Variants in MORC1 observed in about 807,000 individuals in gnomAD.
MORC1 encodes MORC family CW-type zinc finger protein 1.
Under a neutral mutation model 134.9 loss-of-function variants are expected in MORC1, and 59 were observed. That is an observed-to-expected ratio of 0.44 (90% confidence interval 0.35 to 0.54). MORC1 has a LOEUF of 0.54. MORC1 is among the 20% of genes least tolerant of loss of function. The pLI is 0.00. For synonymous variants in MORC1, 395 were observed against 391.7 expected, an observed-to-expected ratio of 1.01 and a Z score of -0.10; for missense variants, 947 against 1,134.5, an observed-to-expected ratio of 0.83 and a Z score of 2.37.
intron 21 of MORC1, among the ~76,000 whole-genome samples, chr3:109,000,142 T>A (rs113407290): frequency 2.2e-4 from 34 of 152,338 alleles, no homozygotes; most frequent in African/African-American, 4.3e-4. Context: ...CACTTTTCTC[T>A]GCCTAATTTA....
Position 108,981,444 on chromosome 3 carries a change from A to G in MORC1, c.2325-1777T>C, listed in dbSNP as rs564709517. Among the ~76,000 whole-genome samples the G allele has an allele frequency of 2.0e-5, 3 of 152,310 alleles. No individual in the cohort carries two copies. The East Asian group carries it at 5.8e-4, about 29-fold the overall frequency. ...TAATTGCCTGTTAAAGAATATTTACACAATGTCTGAATGCTCATTAGTTAT... is the reference window on the plus strand; with the variant it reads ...TAATTGCCTGTTAAAGAATATTTACGCAATGTCTGAATGCTCATTAGTTAT... On this transcript the variant is annotated intron_variant, in intron 23 of 27. Coordinates refer to ENST00000232603, the MANE Select transcript of MORC1 (RefSeq NM_014429.4).
chr3:108,982,284 C>T (rs542965160), intron 23 of MORC1, among the ~76,000 whole-genome samples: 11 of 152,246 alleles, frequency 7.2e-5, no homozygotes, highest in East Asian at 3.9e-4. Context: ...GAAACAGGAA[C>T]GCTTTTACAC....
chr3:109,011,314 C>T (rs1224556903), intron 17 of MORC1, among the ~76,000 whole-genome samples: 1 of 152,210 alleles, frequency 6.6e-6, no homozygotes, highest in Non-Finnish European at 1.5e-5. Flanking sequence ...CCTAGGTCAA[C>T]ATAGCGTAAT....
At chr3:108,999,337 A>C (rs1027578579) in intron 21 of MORC1, among the ~76,000 whole-genome samples, 4 of 152,172 alleles carry the variant, frequency 2.6e-5, no homozygotes, top group Admixed American at 6.5e-5. Context: ...TCTGGGAATA[A>C]TGGGGGCAGG....
At chr3:109,100,037 A>C (rs1484816206) in intron 5 of MORC1, among the ~76,000 whole-genome samples, 1 of 152,142 alleles carries the variant, frequency 6.6e-6, no homozygotes, top group Non-Finnish European at 1.5e-5. Flanking sequence ...TGAGGTCAGG[A>C]GTTCGAGACT....
rs1256197548 is a variant in MORC1, at chr3:109,003,375, CATATT to C, written c.2085+1437_2085+1441del. Reference sequence around the variant, plus strand: ...GTGTATATTGCTTCACATAGCTTTACATATTATATGTGTATGCACACACACACACA... The same window carrying C: ...GTGTATATTGCTTCACATAGCTTTACATATGTGTATGCACACACACACACA... On this transcript the variant is annotated intron_variant, in intron 20 of 27. Transcript: ENST00000232603. Among the ~76,000 whole-genome samples, 8 of 132,730 alleles carry C rather than the reference CATATT, an allele frequency of 6.0e-5. No homozygotes were observed. In the East Asian group the frequency reaches 1.4e-3, roughly 24 times the overall value. The allele number at this position is 132,730 out of a possible 152,430, so 87.1% of individuals were successfully genotyped here.
intron 26 of MORC1, 129 bp from the exon 27 acceptor site, chr3:108,963,737 T>G (rs1947144520): frequency 1.6e-6 from 1 of 615,080 alleles, no homozygotes; most frequent in Non-Finnish European, 2.7e-6. Context: ...TGGTCTAAAT[T>G]TAGGAAATAT....
intron 7 of MORC1, among the ~76,000 whole-genome samples, chr3:109,094,043 G>A (rs750468584): frequency 7.9e-5 from 12 of 152,066 alleles, no homozygotes; most frequent in Middle Eastern, 3.2e-3. Context: ...CAGGCCATAC[G>A]GTCTCTGTTG....
intron 1 of MORC1, among the ~76,000 whole-genome samples, chr3:109,115,362 G>C (rs867427197): frequency 9.3e-5 from 13 of 140,092 alleles, no homozygotes; most frequent in African/African-American, 2.2e-4. Flanking sequence ...CACACACAGA[G>C]AGAGAGAATA....
Position 109,063,172 on chromosome 3 carries a change from G to A in MORC1, c.875C>T (p.Ala292Val). 6.3e-7 allele frequency: 1 copy of A among 1,599,932 alleles called. No individual in the cohort carries two copies. Among genetic ancestry groups the A allele is most frequent in the Non-Finnish European group, 8.6e-7 (1 of 1,168,844 alleles). The change falls in exon 10 of 28, where the codon GCA (alanine) becomes GTA (valine). Residue 292 changes from alanine (A) to valine (V), a missense_variant. By Grantham distance (64) the Ala-to-Val change is moderately conservative. Coordinates refer to ENST00000232603, the MANE Select transcript of MORC1 (RefSeq NM_014429.4). ...CATACCAATCTTTACTGCTTCTTCT[G>A]CCTTTTTAACTTCATCTTTAAATGC... ...KGAFKDEVKK[A>V]EEAVKIAESI...
intron 17 of MORC1, among the ~76,000 whole-genome samples, chr3:109,018,227 C>T (rs1442918729): frequency 6.6e-6 from 1 of 152,156 alleles, no homozygotes; most frequent in South Asian, 2.1e-4. Context: ...AGAGAAAATA[C>T]TTTTATGTTT....
intron 17 of MORC1, among the ~76,000 whole-genome samples, chr3:109,014,335 T>C (rs777888796): frequency 2.0e-5 from 3 of 152,182 alleles, no homozygotes; most frequent in Non-Finnish European, 4.4e-5. Flanking sequence ...CATACAAGAT[T>C]TTGAGTATTA....
intron 3 of MORC1, among the ~76,000 whole-genome samples, chr3:109,104,264 G>A (rs986291948): frequency 6.6e-6 from 1 of 152,020 alleles, no homozygotes; most frequent in African/African-American, 2.4e-5. Flanking sequence ...AGTGACCCCA[G>A]GATCCTTTGC....
At chr3:109,020,421 G>GACTA (rs1387079276) in intron 17 of MORC1, among the ~76,000 whole-genome samples, 1 of 152,154 alleles carries the variant, frequency 6.6e-6, no homozygotes, top group Non-Finnish European at 1.5e-5. Context: ...GGTGGGGGAA[G>GACTA]ACTAACTGAA....
chr3:109,004,572 A>T (rs1337789207), intron 20 of MORC1, among the ~76,000 whole-genome samples: 4 of 152,210 alleles, frequency 2.6e-5, no homozygotes, highest in African/African-American at 9.6e-5. Flanking sequence ...TTCTTTTCAA[A>T]GAAGTAAACT....
chr3:108,978,832 C>G (rs1947634450), intron 24 of MORC1, among the ~76,000 whole-genome samples: 1 of 152,104 alleles, frequency 6.6e-6, no homozygotes, highest in Non-Finnish European at 1.5e-5. Flanking sequence ...CCCTTAAAAC[C>G]CAACAAAAGT....
At chr3:108,994,654 A>AT (rs776818833) in intron 21 of MORC1, among the ~76,000 whole-genome samples, 6 of 152,028 alleles carry the variant, frequency 3.9e-5, no homozygotes, top group Non-Finnish European at 8.8e-5. Context: ...TTCCTCCAAG[A>AT]TGAAAAAAAG....
At chr3:108,981,980 T>C (rs1328757043) in intron 23 of MORC1, among the ~76,000 whole-genome samples, 2 of 152,056 alleles carry the variant, frequency 1.3e-5, no homozygotes, top group Non-Finnish European at 1.5e-5. Flanking sequence ...ACCTACAGAA[T>C]GGGAGAAAAT....
At chr3:109,096,364 AC>A (rs576237327) in intron 6 of MORC1, among the ~76,000 whole-genome samples, 304 of 152,110 alleles carry the variant, frequency 2.0e-3, no homozygotes, top group Admixed American at 4.7e-3. Flanking sequence ...GGTCACAAAG[AC>A]CCTGCTGACC....
Sources: allele counts gnomAD v4.1 joint callset (sites outside exome capture counted in the v4.1 genomes callset), GRCh38; gene constraint gnomAD v4.1.1; transcripts MANE v1.5; gene names NCBI Gene and HGNC (gene_info 2026-07-23, HGNC 2026-07-21).